IL1RAPL1: variants seen among roughly 807,000 people sequenced by gnomAD.
The protein encoded by IL1RAPL1 is interleukin 1 receptor accessory protein like 1.
In IL1RAPL1, 3 loss-of-function variants were observed where a neutral mutation model predicts 48.4. That is an observed-to-expected ratio of 0.06 (90% CI 0.03 to 0.16). The LOEUF (loss-of-function observed/expected upper bound fraction) is 0.16. Among genes scored for constraint, IL1RAPL1 ranks in the 10% least tolerant of loss-of-function variants. The pLI, the probability that IL1RAPL1 is intolerant of heterozygous loss-of-function variation, is 1.00. For synonymous variants in IL1RAPL1, 185 were observed against 187.7 expected, an observed-to-expected ratio of 0.99 and a Z score of 0.12; for missense variants, 349 against 530.6, an observed-to-expected ratio of 0.66 and a Z score of 3.36.
At chrX:29,056,431 A>C (rs757161808) in intron 2 of IL1RAPL1, among the ~76,000 whole-genome samples, 126 of 111,506 alleles carry the variant, frequency 1.1e-3, no homozygotes, top group African/African-American at 3.9e-3. Context: ...CACATCAATA[A>C]TATACTGGTG....
chrX:29,549,086 A>C lies in IL1RAPL1; in HGVS notation c.704-119344A>C, dbSNP rs143718947. Reference sequence around the variant, plus strand: ...TATTTATGTATAGGTTTTTCTTTGCATATACAGTAGTCTCTCCTGGTCCCT... The same window carrying C: ...TATTTATGTATAGGTTTTTCTTTGCCTATACAGTAGTCTCTCCTGGTCCCT... On this transcript the variant is annotated intron_variant, in intron 5 of 10. Transcript: ENST00000378993. 3.1e-3 allele frequency among the ~76,000 whole-genome samples: 350 copies of C among 112,189 alleles called. 2 individuals are homozygous for C. Among genetic ancestry groups the C allele is most frequent in the South Asian group, 1.0e-2 (27 of 2,710 alleles).
At chrX:29,332,099 T>TTTTA (rs1932890708) in intron 3 of IL1RAPL1, among the ~76,000 whole-genome samples, 1 of 85,917 alleles carries the variant, frequency 1.2e-5, no homozygotes, top group African/African-American at 5.0e-5. Flanking sequence ...TAAGGTCTTT[T>TTTTA]TTTTTTTTTT....
At chrX:28,664,141 A>G (rs1347138429) in intron 1 of IL1RAPL1, among the ~76,000 whole-genome samples, 1 of 112,454 alleles carries the variant, frequency 8.9e-6, no homozygotes, top group African/African-American at 3.2e-5. Context: ...CAAACAAAAA[A>G]GACAACAAAT....
rs1366251943 is a variant in IL1RAPL1, at chrX:29,641,982, A to G, written c.704-26448A>G. On this transcript the variant is annotated intron_variant, in intron 5 of 10. Transcript: ENST00000378993. ...TGTGTGGTCTCTAGCACTTGGTGCC[A>G]TAGTGACAGTGTCTGGGTAGAACAG... Among the ~76,000 whole-genome samples the G allele has an allele frequency of 4.4e-5, 5 of 112,458 alleles. No individual in the cohort carries two copies. In the East Asian group the frequency reaches 1.4e-3, roughly 31 times the overall value.
intron 2 of IL1RAPL1, among the ~76,000 whole-genome samples, chrX:29,063,905 A>G (rs1466241043): frequency 8.9e-6 from 1 of 111,874 alleles, no homozygotes; most frequent in Non-Finnish European, 1.9e-5. Context: ...CTATGTAAAT[A>G]TGAAAGTTAC....
chrX:29,603,136 G>A (rs1277338127), intron 5 of IL1RAPL1, among the ~76,000 whole-genome samples: 4 of 109,537 alleles, frequency 3.7e-5, no homozygotes, highest in Non-Finnish European at 7.6e-5. Flanking sequence ...TGTGGTGATG[G>A]GCGCCTGTAA....
At chrX:29,546,590 T>G (rs1333363055) in intron 5 of IL1RAPL1, among the ~76,000 whole-genome samples, 1 of 111,851 alleles carries the variant, frequency 8.9e-6, no homozygotes, top group Non-Finnish European at 1.9e-5. Context: ...AGAAGATTCT[T>G]GAAATTCTTC....
At chrX:29,407,620 C>T (rs1249126054) in intron 5 of IL1RAPL1, among the ~76,000 whole-genome samples, 1 of 111,772 alleles carries the variant, frequency 8.9e-6, no homozygotes, top group African/African-American at 3.3e-5. Context: ...TTACATATTT[C>T]CTTGAACATA....
At chrX:29,216,165 G>C (rs1241138959) in intron 2 of IL1RAPL1, among the ~76,000 whole-genome samples, 1 of 110,954 alleles carries the variant, frequency 9.0e-6, no homozygotes, top group Non-Finnish European at 1.9e-5. Flanking sequence ...TTTTTTTGTT[G>C]TTATTGTTGT....
chrX:28,915,917 ATATC>A (rs894185736), intron 2 of IL1RAPL1, among the ~76,000 whole-genome samples: 6 of 109,199 alleles, frequency 5.5e-5, no homozygotes, highest in African/African-American at 1.0e-4. Context: ...AAAAACAAAT[ATATC>A]TATCTATCTA....
intron 6 of IL1RAPL1, among the ~76,000 whole-genome samples, chrX:29,755,160 C>CT (rs765954064): frequency 3.5e-4 from 39 of 112,677 alleles, no homozygotes; most frequent in Middle Eastern, 4.6e-3. Context: ...CCAAAGCCAA[C>CT]AGTGAAGAGA....
chrX:29,454,173 C>T (rs181935961), intron 5 of IL1RAPL1, among the ~76,000 whole-genome samples: 3 of 112,320 alleles, frequency 2.7e-5, no homozygotes, highest in East Asian at 2.8e-4. Context: ...TAGTGAGGTA[C>T]GTCTTTCTTC....
intron 6 of IL1RAPL1, among the ~76,000 whole-genome samples, chrX:29,805,659 C>T (rs1170957839): frequency 5.4e-5 from 6 of 111,402 alleles, no homozygotes; most frequent in Non-Finnish European, 3.8e-5. Context: ...CATGTTTCCA[C>T]TTCAAAAGAT....
intron 6 of IL1RAPL1, among the ~76,000 whole-genome samples, chrX:29,704,448 C>G (rs919929571): frequency 9.0e-6 from 1 of 111,019 alleles, no homozygotes; most frequent in Non-Finnish European, 1.9e-5. Flanking sequence ...TCAGGCAGAT[C>G]TCTTGAGGTC....
At chrX:29,909,429 TCAAAACAAACAAA>T (rs1269521892) in intron 6 of IL1RAPL1, among the ~76,000 whole-genome samples, 1 of 110,144 alleles carries the variant, frequency 9.1e-6, no homozygotes, top group East Asian at 2.8e-4. Context: ...AGACCCTATC[TCAAAACAAACAAA>T]CAAACAAAAA....
In IL1RAPL1 at chrX:29,223,065, A is replaced by G. The variant is rs181617035; in HGVS notation, c.83-59873A>G. 1.1e-3 allele frequency among the ~76,000 whole-genome samples: 127 copies of G among 110,817 alleles called. 1 individual carries two copies. Among genetic ancestry groups the G allele is most frequent in the African/African-American group, 4.0e-3 (122 of 30,521 alleles). On this transcript the variant is annotated intron_variant, in intron 2 of 10. Coordinates refer to ENST00000378993, the MANE Select transcript of IL1RAPL1 (RefSeq NM_014271.4). Reference sequence around the variant, plus strand: ...TTGTCTCTACTCAGACACCTGCCCAACCCTACTCAATGTAATATTTTCTAT... The same window carrying G: ...TTGTCTCTACTCAGACACCTGCCCAGCCCTACTCAATGTAATATTTTCTAT...
chrX:29,802,833 A>G (rs7049983), intron 6 of IL1RAPL1, among the ~76,000 whole-genome samples: 8,032 of 42,781 alleles, frequency 0.19, 1,089 homozygotes, highest in East Asian at 0.24. Context: ...ATGTATACAT[A>G]TATGTATACA....
intron 5 of IL1RAPL1, among the ~76,000 whole-genome samples, chrX:29,607,137 G>A (rs769987949): frequency 4.5e-5 from 5 of 111,227 alleles, no homozygotes; most frequent in East Asian, 2.8e-4. Flanking sequence ...ATTCACTTTC[G>A]TAGTCGGGTA....
chrX:29,854,360 G>A (rs1340233710), intron 6 of IL1RAPL1, among the ~76,000 whole-genome samples: 4 of 111,902 alleles, frequency 3.6e-5, no homozygotes, highest in Admixed American at 9.5e-5. Flanking sequence ...TTTAACTTAC[G>A]GAGACAGGGC....
Sources: gnomAD v4.1 joint callset for allele counts (sites outside exome capture counted in the v4.1 genomes callset) on GRCh38, gnomAD v4.1.1 for gene constraint, MANE v1.5 for transcripts, NCBI Gene and HGNC (gene_info 2026-07-23, HGNC 2026-07-21) for gene names.